The following ATAD2B variants were observed in gnomAD, a reference collection of about 807,000 sequenced individuals.
ATAD2B encodes the protein ATPase family AAA domain-containing protein 2B.
Under a neutral mutation model 167.6 loss-of-function variants are expected in ATAD2B, and 40 were observed. That is an observed-to-expected ratio of 0.24 (90% confidence interval 0.19 to 0.31). The LOEUF (loss-of-function observed/expected upper bound fraction) is 0.31. Ranked by LOEUF, ATAD2B falls within the 10% of genes least tolerant of loss-of-function variation. ATAD2B has a pLI of 1.00. For missense variants in ATAD2B, 1,242 were observed against 1,757.2 expected, an observed-to-expected ratio of 0.71 and a Z score of 5.24; for synonymous variants, 579 against 596.5, an observed-to-expected ratio of 0.97 and a Z score of 0.43.
the ATAD2B span, chr2:23,693,569 G>C: frequency 1.3e-6 from 2 of 1,532,302 alleles, no homozygotes; most frequent in South Asian, 2.4e-5. Context: ...CTCTGGGTTT[G>C]GGGTCCCCCT....
In ATAD2B at chr2:23,866,343, T is replaced by C. The variant is rs566530034; in HGVS notation, c.1189-1419A>G. Among the ~76,000 whole-genome samples the C allele has an allele frequency of 2.0e-5, 3 of 152,246 alleles. No homozygotes were observed. The South Asian group carries it at 6.2e-4, about 32-fold the overall frequency. ...TCGCTTGAACCCGGGAGGCGGAGGT[T>C]GCGGTAAGCTGAGATTGCGCCATTG... On this transcript the variant is annotated intron_variant, in intron 10 of 27. Coordinates refer to ENST00000238789, the MANE Select transcript of ATAD2B (RefSeq NM_017552.4).
At chr2:23,809,569 G>C (rs1335284573) in intron 18 of ATAD2B, among the ~76,000 whole-genome samples, 1 of 152,064 alleles carries the variant, frequency 6.6e-6, no homozygotes, top group Non-Finnish European at 1.5e-5. Flanking sequence ...TCTAAAAGTA[G>C]GCTAAGTATC....
chr2:23,896,267 G>A (rs374921199), intron 1 of ATAD2B, among the ~76,000 whole-genome samples: 2 of 151,456 alleles, frequency 1.3e-5, no homozygotes, highest in Admixed American at 1.3e-4. Context: ...GGAGGCTGCC[G>A]TGAGCCGAGA....
chr2:23,713,039 C>G, the ATAD2B span, among the ~76,000 whole-genome samples: 1 of 152,274 alleles, frequency 6.6e-6, no homozygotes. Context: ...AGCAAGTGTG[C>G]TGCTGTAGCC....
the ATAD2B span, among the ~76,000 whole-genome samples, chr2:23,741,798 T>C: frequency 6.6e-6 from 1 of 152,184 alleles, no homozygotes; most frequent in Non-Finnish European, 1.5e-5. Flanking sequence ...TTTTGCAACC[T>C]ACTCATCTGA....
In ATAD2B at chr2:23,765,575, T is replaced by C. The variant is rs901829737; in HGVS notation, c.3187A>G (p.Ile1063Val). Residue 1063 changes from isoleucine to valine, a missense_variant, in exon 23 of 28, where the codon ATT becomes GTT. Coordinates refer to ENST00000238789, the MANE Select transcript of ATAD2B (RefSeq NM_017552.4). ...AATTCTGGATCTAATTCAGCTGCAA[T>C]GATAGCATGTGCAGTGTCCTTCAGG... ...CTLKDTAHAI[I>V]AAELDPEFNK... 6.4e-7 allele frequency: 1 copy of C among 1,568,536 alleles called. No individual in the cohort carries two copies. The highest frequency in any genetic ancestry group is 8.7e-7 in the Non-Finnish European group (1 of 1,151,924).
intron 27 of ATAD2B, among the ~76,000 whole-genome samples, chr2:23,753,420 C>T (rs762940446): frequency 5.9e-5 from 9 of 152,168 alleles, no homozygotes; most frequent in African/African-American, 1.9e-4. Flanking sequence ...AGATAGACCA[C>T]CAGATAAACA....
chr2:23,710,339 T>C, the ATAD2B span, among the ~76,000 whole-genome samples: 4 of 152,078 alleles, frequency 2.6e-5, no homozygotes. Context: ...ACAATGGCAG[T>C]TGTTAAATAA....
chr2:23,806,291 T>C (rs1572835454), intron 18 of ATAD2B: 1 of 152,320 alleles, frequency 6.6e-6, no homozygotes, highest in East Asian at 1.9e-4. Context: ...CTGGAGGAGC[T>C]TGCCAGTTTT....
At chr2:23,853,762 T>G (rs7590252) in intron 13 of ATAD2B, among the ~76,000 whole-genome samples, 1 of 151,798 alleles carries the variant, frequency 6.6e-6, no homozygotes, top group African/African-American at 2.4e-5. Context: ...AAGAACAAAT[T>G]TGGAGGACTT....
intron 1 of ATAD2B, among the ~76,000 whole-genome samples, chr2:23,898,819 G>A (rs1038528268): frequency 6.6e-6 from 1 of 151,760 alleles, no homozygotes; most frequent in Non-Finnish European, 1.5e-5. Flanking sequence ...CCTGGGCAAC[G>A]TAATGAGACC....
intron 1 of ATAD2B, among the ~76,000 whole-genome samples, chr2:23,920,282 C>A (rs1439629200): frequency 6.6e-6 from 1 of 152,198 alleles, no homozygotes; most frequent in African/African-American, 2.4e-5. Flanking sequence ...CCAAAACATT[C>A]GACGAGTAGA....
chr2:23,897,554 C>T (rs904645731), intron 1 of ATAD2B, among the ~76,000 whole-genome samples: 2 of 152,176 alleles, frequency 1.3e-5, no homozygotes, highest in East Asian at 1.9e-4. Context: ...CCTGTCCCCC[C>T]AAATTCATTT....
Position 23,769,711 on chromosome 2 carries a change from G to GAT in ATAD2B, c.3134-4084_3134-4083insAT, listed in dbSNP as rs199842019. Reference sequence around the variant, plus strand: ...AAGTGTTTAATGGTGTCTCACTGTGGGTTTTTTTTTTTTTTTTTTTTTGAG... The same window carrying GAT: ...AAGTGTTTAATGGTGTCTCACTGTGGATGTTTTTTTTTTTTTTTTTTTTTGAG... On this transcript the variant is annotated intron_variant, in intron 22 of 27. Transcript: ENST00000238789. 7.5e-4 allele frequency among the ~76,000 whole-genome samples: 97 copies of GAT among 129,818 alleles called. 9 individuals carry two copies. Among genetic ancestry groups the GAT allele is most frequent in the South Asian group, 1.4e-3 (5 of 3,636 alleles). The allele number at this position is 129,818 out of a possible 152,430, so 85.2% of individuals were successfully genotyped here. A position where few individuals can be genotyped will look rare whatever the true frequency, so the allele number is the denominator to read the frequency against.
chr2:23,740,142 A>T, the ATAD2B span, among the ~76,000 whole-genome samples: 3 of 152,240 alleles, frequency 2.0e-5, no homozygotes, highest in East Asian at 1.9e-4. Context: ...GCTGGTACCA[A>T]TCCTTCTGAA....
At chr2:23,683,846 C>G in the ATAD2B span, among the ~76,000 whole-genome samples, 20 of 152,102 alleles carry the variant, frequency 1.3e-4, no homozygotes, top group Admixed American at 1.3e-3. Flanking sequence ...GCCAGGCCTC[C>G]CATGGCCCCC....
the ATAD2B span, among the ~76,000 whole-genome samples, chr2:23,712,342 C>A: frequency 6.6e-6 from 1 of 152,218 alleles, no homozygotes; most frequent in Non-Finnish European, 1.5e-5. Flanking sequence ...GTTTTAAAAA[C>A]ACCTGGTAAG....
At chr2:23,907,186 T>C (rs1005818456) in intron 1 of ATAD2B, among the ~76,000 whole-genome samples, 6 of 152,208 alleles carry the variant, frequency 3.9e-5, no homozygotes, top group South Asian at 2.1e-4. Context: ...TTGTCCCTGT[T>C]TGCAGACGAC....
chr2:23,752,564 A>G (rs1346852129), intron 27 of ATAD2B, among the ~76,000 whole-genome samples: 3 of 151,808 alleles, frequency 2.0e-5, no homozygotes, highest in Non-Finnish European at 4.4e-5. Flanking sequence ...ACGTATTACT[A>G]TCAGGTCCAT....
Sources: allele counts gnomAD v4.1 joint callset (sites outside exome capture counted in the v4.1 genomes callset), GRCh38; gene constraint gnomAD v4.1.1; transcripts MANE v1.5; gene names NCBI Gene and HGNC (gene_info 2026-07-23, HGNC 2026-07-21).